The following RBFOX1 variants were observed in gnomAD, a reference collection of about 807,000 sequenced individuals.
RBFOX1 encodes RNA binding fox-1 homolog 1, also known as RNA binding protein fox-1 homolog 1.
RBFOX1 carries 8 observed loss-of-function variants against 57.7 expected under a neutral mutation model. The ratio of observed to expected loss-of-function variants is 0.14; its 90% CI spans 0.08 to 0.25. The LOEUF (loss-of-function observed/expected upper bound fraction) is 0.25, where lower values mean the gene tolerates loss of function less well. Among genes scored for constraint, RBFOX1 ranks in the 10% least tolerant of loss-of-function variants. The pLI is 1.00. For missense variants in RBFOX1, 611 were observed against 548.5 expected (o/e 1.11, Z -1.14); for synonymous variants, 326 against 222.4 (o/e 1.47, Z -4.15).
intron 4 of RBFOX1, among the ~76,000 whole-genome samples, chr16:5,955,346 TAAAA>T (rs2059611324): frequency 1.8e-4 from 5 of 27,326 alleles, no homozygotes; most frequent in South Asian, 1.1e-3. Context: ...TAAAATAAAA[TAAAA>T]TAAATAAAAA....
intron 2 of RBFOX1, among the ~76,000 whole-genome samples, chr16:6,541,093 T>C (rs1350864178): frequency 2.0e-5 from 3 of 152,140 alleles, no homozygotes; most frequent in South Asian, 2.1e-4. Flanking sequence ...TATTTCCAAG[T>C]AAAAGAAACC....
intron 1 of RBFOX1, among the ~76,000 whole-genome samples, chr16:5,354,782 G>A (rs1247288698): frequency 6.6e-6 from 1 of 152,244 alleles, no homozygotes; most frequent in Admixed American, 6.5e-5. Flanking sequence ...GCTGGAGGGA[G>A]TGGAGACACC....
At chr16:7,295,542 G>A (rs2095871940) in intron 4 of RBFOX1, among the ~76,000 whole-genome samples, 1 of 152,058 alleles carries the variant, frequency 6.6e-6, no homozygotes, top group Non-Finnish European at 1.5e-5. Context: ...ATTCTCCTTA[G>A]AATGAAACTG....
intron 12 of RBFOX1, among the ~76,000 whole-genome samples, chr16:7,658,543 T>G (rs2066896315): frequency 6.6e-6 from 1 of 152,104 alleles, no homozygotes; most frequent in Non-Finnish European, 1.5e-5. Flanking sequence ...GCTCACAAGC[T>G]GATTATCTGT....
intron 2 of RBFOX1, among the ~76,000 whole-genome samples, chr16:5,527,024 A>G (rs939882166): frequency 6.6e-6 from 1 of 152,220 alleles, no homozygotes; most frequent in African/African-American, 2.4e-5. Context: ...TGTTCAGCAT[A>G]GCGCTTGGGA....
At chr16:6,187,447 C>T (rs761686724) in intron 1 of RBFOX1, among the ~76,000 whole-genome samples, 5 of 152,184 alleles carry the variant, frequency 3.3e-5, no homozygotes, top group East Asian at 3.9e-4. Flanking sequence ...GGAATTTAGG[C>T]GGAAGTCAGA....
intron 1 of RBFOX1, among the ~76,000 whole-genome samples, chr16:5,418,284 C>A (rs2067214031): frequency 6.7e-6 from 1 of 150,176 alleles, no homozygotes; most frequent in South Asian, 2.1e-4. Context: ...GGCAAGGCAG[C>A]TGGGGATAGA....
intron 3 of RBFOX1, among the ~76,000 whole-genome samples, chr16:6,920,100 CA>C (rs1341351858): frequency 6.6e-6 from 1 of 152,184 alleles, no homozygotes; most frequent in African/African-American, 2.4e-5. Flanking sequence ...CAAGTTGCTG[CA>C]TAGGCCATTA....
chr16:7,075,870 G>A (rs183034405), intron 4 of RBFOX1, among the ~76,000 whole-genome samples: 61 of 150,938 alleles, frequency 4.0e-4, no homozygotes, highest in Middle Eastern at 6.9e-3. Context: ...GTGAGCCACC[G>A]CGCCCGGCCT....
In RBFOX1 at chr16:7,284,186, G is replaced by A. The variant is rs572142627; in HGVS notation, c.27+232088G>A. Among the ~76,000 whole-genome samples, 108 of 152,298 alleles carry A rather than the reference G, an allele frequency of 7.1e-4. 2 individuals are homozygous for A. In the South Asian group the frequency reaches 0.019, roughly 27 times the overall value. On this transcript the variant is annotated intron_variant, in intron 4 of 15. Transcript: ENST00000550418. ...ATAGTTTATTCACTAGTTGAAGGGC[G>A]GTTGTGTTGTTTCCAGTTTTTGCTG...
chr16:6,047,911 T>C (rs2095512378), intron 1 of RBFOX1, among the ~76,000 whole-genome samples: 1 of 152,206 alleles, frequency 6.6e-6, no homozygotes, highest in Admixed American at 6.5e-5. Context: ...CCGTAAAGCT[T>C]GGACTCTAGG....
At chr16:5,657,096 A>G (rs1335985707) in intron 3 of RBFOX1, among the ~76,000 whole-genome samples, 1 of 152,184 alleles carries the variant, frequency 6.6e-6, no homozygotes, top group Non-Finnish European at 1.5e-5. Context: ...ACTTAAAGTA[A>G]AATTTAGAAA....
intron 2 of RBFOX1, among the ~76,000 whole-genome samples, chr16:5,513,372 C>A (rs2043675757): frequency 6.6e-6 from 1 of 152,158 alleles, no homozygotes; most frequent in Non-Finnish European, 1.5e-5. Context: ...CCCCTTTAAT[C>A]ATGTCATATC....
chr16:6,620,382 C>T (rs2098211332), intron 2 of RBFOX1, among the ~76,000 whole-genome samples: 1 of 152,120 alleles, frequency 6.6e-6, no homozygotes, highest in Admixed American at 6.5e-5. Context: ...TAAATGCCCA[C>T]ATCCAAAAGT....
rs778842950 is a variant in RBFOX1, at chr16:5,689,958, G to A, written c.318+90997G>A. Among the ~76,000 whole-genome samples the A allele has an allele frequency of 7.0e-4, 107 of 152,322 alleles. 2 individuals are homozygous for A. Among genetic ancestry groups the A allele is most frequent in the Middle Eastern group, 3.4e-3 (1 of 294 alleles). On this transcript the variant is annotated intron_variant, in intron 3 of 19. Coordinates refer to the RBFOX1 transcript ENST00000641259. The stretch of plus-strand genomic sequence containing the variant: ...ACCTGGAGACGTAGAGCATGGCCAT[G>A]CAGAGAGACAGCAGGGGAGTGCTGC...
At chr16:5,454,950 CCTTCCTTCCTTTCTTTCTTTCTTT>C (rs1454148677) in intron 1 of RBFOX1, among the ~76,000 whole-genome samples, 6 of 42,666 alleles carry the variant, frequency 1.4e-4, no homozygotes, top group Non-Finnish European at 1.8e-4. Flanking sequence ...TTCCTTCCTT[CCTTCCTTCCTTTCTTTCTTTCTTT>C]CTTTCTTTCT....
intron 4 of RBFOX1, among the ~76,000 whole-genome samples, chr16:7,293,683 G>T (rs1461502844): frequency 6.6e-6 from 1 of 152,134 alleles, no homozygotes; most frequent in African/African-American, 2.4e-5. Flanking sequence ...TCTGTTTGCC[G>T]AGGTGAGATT....
At position 6,931,329 on chromosome 16, in the gene RBFOX1, C is replaced by CTG. The variant is rs2076493697; in HGVS notation, c.-15-120727_-15-120726insGT. Among the ~76,000 whole-genome samples the CTG allele has an allele frequency of 3.0e-5, 4 of 132,834 alleles. No individual in the cohort carries two copies. The East Asian group carries it at 6.3e-4, about 21-fold the overall frequency. The allele number at this position is 132,834 out of a possible 152,430, so 87.1% of individuals were successfully genotyped here. On this transcript the variant is annotated intron_variant, in intron 3 of 15. Coordinates refer to ENST00000550418, the MANE Select transcript of RBFOX1 (RefSeq NM_018723.4). Reference sequence around the variant, plus strand: ...TCTATCTATCTATCTATCTATCTATCTATCTATCTCTACACACACACACAC... The same window carrying CTG: ...TCTATCTATCTATCTATCTATCTATCTGTATCTATCTCTACACACACACACAC...
intron 1 of RBFOX1, among the ~76,000 whole-genome samples, chr16:6,156,721 A>G (rs2152735578): frequency 6.6e-6 from 1 of 152,322 alleles, no homozygotes; most frequent in South Asian, 2.1e-4. Context: ...CTTGTGTGGT[A>G]GCATGGGTGA....
Sources: allele counts gnomAD v4.1 joint callset (sites outside exome capture counted in the v4.1 genomes callset), GRCh38; gene constraint gnomAD v4.1.1; transcripts MANE v1.5; gene names NCBI Gene and HGNC (gene_info 2026-07-23, HGNC 2026-07-21).